SLC9C2: variants seen among roughly 807,000 people sequenced by gnomAD.
The protein encoded by SLC9C2 is solute carrier family 9 member C2 (putative), also known as sodium/hydrogen exchanger 11.
A neutral mutation model predicts 140.2 loss-of-function variants in SLC9C2; 75 were observed. The ratio of observed to expected loss-of-function variants is 0.53; its 90% confidence interval spans 0.44 to 0.65. The LOEUF (loss-of-function observed/expected upper bound fraction) is 0.65, where lower values mean the gene tolerates loss of function less well. SLC9C2 is among the 30% of genes least tolerant of loss of function. The pLI is 0.00. For missense variants in SLC9C2, 1,074 were observed against 1,331.8 expected, an observed-to-expected ratio of 0.81 and a Z score of 3.01; for synonymous variants, 375 against 420.9, an observed-to-expected ratio of 0.89 and a Z score of 1.34.
In SLC9C2 at chr1:173,536,094, C is replaced by G. The variant is rs1661935045; in HGVS notation, c.1656-145G>C. The stretch of plus-strand genomic sequence containing the variant: ...GTCTCATGCCTCTGCATCCATCCAC[C>G]TATCCATCCATGGTCATGGTACAGG... On this transcript the variant is annotated intron_variant, in intron 14 of 27. Transcript: ENST00000367714. 7 of 636,380 alleles carry G rather than the reference C, an allele frequency of 1.1e-5. No individual in the cohort carries two copies. The Middle Eastern group carries it at 1.3e-3, about 122-fold the overall frequency. 39.4% of individuals were successfully genotyped at this position (636,380 alleles called of 1,614,324 possible).
intron 13 of SLC9C2, among the ~76,000 whole-genome samples, chr1:173,539,452 C>A (rs1406144210): frequency 1.3e-5 from 2 of 152,124 alleles, no homozygotes; most frequent in Non-Finnish European, 2.9e-5. Context: ...ACTCCAGCAA[C>A]CAATGGTCTA....
chr1:173,544,464 T>C (rs1434564224), intron 13 of SLC9C2, among the ~76,000 whole-genome samples: 3 of 152,146 alleles, frequency 2.0e-5, no homozygotes, highest in Admixed American at 1.3e-4. Flanking sequence ...TCCTCAAGGA[T>C]CTAGAACTAG....
chr1:173,556,261 G>A (rs1663694866), intron 10 of SLC9C2, among the ~76,000 whole-genome samples: 1 of 152,162 alleles, frequency 6.6e-6, no homozygotes, highest in Non-Finnish European at 1.5e-5. Context: ...TGCACGGCCA[G>A]CAGATGCACT....
At chr1:173,522,633 A>G (rs776472355) in intron 21 of SLC9C2, among the ~76,000 whole-genome samples, 3 of 152,234 alleles carry the variant, frequency 2.0e-5, no homozygotes, top group Non-Finnish European at 4.4e-5. Context: ...ATACTAACAC[A>G]GTCATAAAGT....
At chr1:173,559,903 T>C (rs1663982219) in intron 9 of SLC9C2, among the ~76,000 whole-genome samples, 2 of 152,200 alleles carry the variant, frequency 1.3e-5, no homozygotes, top group Admixed American at 1.3e-4. Flanking sequence ...CAACCCCCTC[T>C]ATAATCAGCA....
At chr1:173,531,300 C>T (rs1661566633) in intron 17 of SLC9C2, among the ~76,000 whole-genome samples, 3 of 152,196 alleles carry the variant, frequency 2.0e-5, no homozygotes, top group Admixed American at 2.0e-4. Flanking sequence ...CAGAACATTG[C>T]TGCCCACACT....
At chr1:173,523,595 C>A (rs1358250245) in intron 21 of SLC9C2, among the ~76,000 whole-genome samples, 1 of 152,146 alleles carries the variant, frequency 6.6e-6, no homozygotes, top group East Asian at 1.9e-4. Flanking sequence ...ACACTATGCC[C>A]AATTGGCTTT....
chr1:173,501,505 C>CTTTTTTTT (rs35363966), intron 27 of SLC9C2, among the ~76,000 whole-genome samples: 7 of 96,338 alleles, frequency 7.3e-5, no homozygotes, highest in Non-Finnish European at 1.0e-4. Flanking sequence ...TTATTTGACT[C>CTTTTTTTT]TTTTTTTTTT....
At chr1:173,579,963 T>C (rs72709357) in intron 7 of SLC9C2, among the ~76,000 whole-genome samples, 23,787 of 152,212 alleles carry the variant, frequency 0.16, 2,217 homozygotes, top group East Asian at 0.32. Context: ...CATCTCCATT[T>C]TTTAGAAGGA....
intron 11 of SLC9C2, among the ~76,000 whole-genome samples, chr1:173,553,078 T>C (rs1663429190): frequency 6.6e-6 from 1 of 152,166 alleles, no homozygotes; most frequent in Non-Finnish European, 1.5e-5. Flanking sequence ...GGTTCAAGAC[T>C]TCAGTGGAGG....
At chr1:173,594,204 C>CA (rs1358248540) in intron 4 of SLC9C2, among the ~76,000 whole-genome samples, 3 of 152,094 alleles carry the variant, frequency 2.0e-5, no homozygotes, top group African/African-American at 4.8e-5. Flanking sequence ...GAAAAGGACA[C>CA]AAAATCACAG....
At chr1:173,525,452 G>T (rs539848859) in intron 19 of SLC9C2, among the ~76,000 whole-genome samples, 33 of 152,072 alleles carry the variant, frequency 2.2e-4, no homozygotes, top group Non-Finnish European at 4.0e-4. Flanking sequence ...TTGCCATATC[G>T]AAGGTACACA....
chr1:173,581,112 G>A (rs1665502679), intron 7 of SLC9C2, among the ~76,000 whole-genome samples: 1 of 152,190 alleles, frequency 6.6e-6, no homozygotes, highest in Admixed American at 6.5e-5. Context: ...TTAGGTAACT[G>A]GAGGTGAAAG....
rs140265845 is a variant in SLC9C2 at position 173,587,903 on chromosome 1, A to G, written c.358-73T>C. ...GCATGATGGCATTTACTTATATCCTAAGAGTCAGATCTTGGTTGTAAATGT... is the reference window on the plus strand; with the variant it reads ...GCATGATGGCATTTACTTATATCCTGAGAGTCAGATCTTGGTTGTAAATGT... On this transcript the variant is annotated intron_variant, in intron 4 of 27. Transcript: ENST00000367714. 151 of 1,180,660 alleles carry G rather than the reference A, an allele frequency of 1.3e-4. No individual in the cohort carries two copies. The African/African-American group carries it at 2.0e-3, about 15-fold the overall frequency. The allele number at this position is 1,180,660 out of a possible 1,614,324, so 73.1% of individuals were successfully genotyped here.
Position 173,554,780 on chromosome 1 carries a change from G to A in SLC9C2, c.1250C>T (p.Thr417Ile), listed in dbSNP as rs775439454. Residue 417 changes from threonine to isoleucine, a missense_variant, in exon 11 of 28, where the codon ACA (threonine) becomes ATA (isoleucine). By Grantham distance (89) the Thr-to-Ile change is moderately conservative. Transcript: ENST00000367714. The part of the protein sequence containing the change: ...ILYVQVISLL[T>I]MGINSYVMTQ... The stretch of plus-strand genomic sequence containing the variant: ...CATCACGTATGAATTTATTCCCATT[G>A]TCAATAATGATATTACTTGTACATA... 1.0e-5 allele frequency: 16 copies of A among 1,607,714 alleles called. No homozygotes were observed. Among genetic ancestry groups the A allele is most frequent in the African/African-American group, 1.3e-5 (1 of 74,762 alleles).
chr1:173,505,414 A>G, intron 25 of SLC9C2, 83 bp from the exon 26 acceptor site: 2 of 1,067,174 alleles, frequency 1.9e-6, no homozygotes, highest in South Asian at 2.8e-5. Context: ...CAAAGAGTAT[A>G]AAAAATAAGC....
chr1:173,536,447 A>T (rs982411089), intron 14 of SLC9C2, among the ~76,000 whole-genome samples: 1 of 152,198 alleles, frequency 6.6e-6, no homozygotes, highest in African/African-American at 2.4e-5. Flanking sequence ...TTATATCTCC[A>T]AGATACTGAG....
chr1:173,509,588 C>T lies in SLC9C2; in HGVS notation c.3019G>A (p.Glu1007Lys). The T allele has an allele frequency of 6.4e-7, 1 of 1,571,908 alleles. No homozygotes were observed. The highest frequency in any genetic ancestry group is 1.2e-5 in the South Asian group (1 of 83,114). The change falls in exon 24 of 28, where the codon GAA (glutamate) becomes AAA (lysine). Residue 1007 changes from glutamate (E) to lysine (K), a missense_variant. Physicochemically the swap from Glu to Lys is moderately conservative, Grantham distance 56. Coordinates refer to ENST00000367714, the MANE Select transcript of SLC9C2 (RefSeq NM_178527.4). Reference protein sequence around the residue: ...LALSTAYQYFESSLIDEDLRF... With the variant: ...LALSTAYQYFKSSLIDEDLRF... Reference sequence around the variant, plus strand: ...CTTACCTCATCAATAAGACTTGATTCAAAATACTGATAGGCAGTACTGAGA... The same window carrying T: ...CTTACCTCATCAATAAGACTTGATTTAAAATACTGATAGGCAGTACTGAGA...
At position 173,599,362 on chromosome 1, in the gene SLC9C2, A is replaced by ATTTTTTTTTTT. The variant is rs61579339; in HGVS notation, c.228+744_228+754dup. On this transcript the variant is annotated intron_variant, in intron 3 of 27. Transcript: ENST00000367714. ...CAAGAGCGCAAACACATTTTCCTTG[A>ATTTTTTTTTTT]TTTTTTTTTTTTTTTTTTTTTTTTT... Among the ~76,000 whole-genome samples, 203 of 68,108 alleles carry ATTTTTTTTTTT rather than the reference A, an allele frequency of 3.0e-3. 53 individuals carry two copies. Among genetic ancestry groups the ATTTTTTTTTTT allele is most frequent in the African/African-American group, 6.5e-3 (137 of 21,126 alleles). 44.7% of individuals were successfully genotyped at this position (68,108 alleles called of 152,430 possible). A position where few individuals can be genotyped will look rare whatever the true frequency, so the allele number is the denominator to read the frequency against.
Sources: gnomAD v4.1 joint callset for allele counts (sites outside exome capture counted in the v4.1 genomes callset) on GRCh38, gnomAD v4.1.1 for gene constraint, MANE v1.5 for transcripts, NCBI Gene and HGNC (gene_info 2026-07-23, HGNC 2026-07-21) for gene names.